The following PIP5K1B variants were observed in gnomAD, a reference collection of about 807,000 sequenced individuals.
PIP5K1B encodes the protein phosphatidylinositol 4-phosphate 5-kinase type-1 beta.
PIP5K1B carries 42 observed loss-of-function variants against 67.0 expected under a neutral mutation model. That is an observed-to-expected ratio of 0.63 (90% CI 0.49 to 0.81). The LOEUF (loss-of-function observed/expected upper bound fraction) is 0.81. Ranked by LOEUF, PIP5K1B falls within the 30% of genes least tolerant of loss-of-function variation. PIP5K1B has a pLI of 0.00. For synonymous variants in PIP5K1B, 214 were observed against 231.4 expected (o/e 0.92, Z 0.68); for missense variants, 459 against 646.3 (o/e 0.71, Z 3.14).
At chr9:68,708,940 G>T (rs1388455395) in intron 1 of PIP5K1B, among the ~76,000 whole-genome samples, 1 of 152,196 alleles carries the variant, frequency 6.6e-6, no homozygotes, top group Non-Finnish European at 1.5e-5. Flanking sequence ...TAGTTTAGAA[G>T]TACCGTTTAT....
rs1824342463 is a variant in PIP5K1B at position 68,884,260 on chromosome 9, T to C, written c.319-4721T>C. 1.3e-5 allele frequency among the ~76,000 whole-genome samples: 2 copies of C among 151,586 alleles called. 1 individual carries two copies. Among genetic ancestry groups the C allele is most frequent in the East Asian group, 3.9e-4 (2 of 5,186 alleles). On this transcript the variant is annotated intron_variant, in intron 6 of 15. Transcript: ENST00000265382. ...GCAAATAACGCATCAGGTAAAGGGTTGATATCCAAAATAAATAAGGAACTC... is the reference window on the plus strand; with the variant it reads ...GCAAATAACGCATCAGGTAAAGGGTCGATATCCAAAATAAATAAGGAACTC...
chr9:68,879,811 T>C (rs1293165820), intron 6 of PIP5K1B, among the ~76,000 whole-genome samples: 2 of 152,128 alleles, frequency 1.3e-5, no homozygotes, highest in Admixed American at 1.3e-4. Context: ...TGTATAACTA[T>C]TATATATCAT....
chr9:68,867,974 A>C (rs1316375282), intron 5 of PIP5K1B, among the ~76,000 whole-genome samples: 1 of 152,162 alleles, frequency 6.6e-6, no homozygotes, highest in Non-Finnish European at 1.5e-5. Context: ...ATATATTTTG[A>C]AGCTGCTCAA....
chr9:68,917,726 C>A lies in PIP5K1B; in HGVS notation c.950C>A (p.Ser317Tyr). The A allele has an allele frequency of 6.2e-7, 1 of 1,614,104 alleles. No homozygotes were observed. The change falls in exon 9 of 16, where the codon TCT becomes TAT. Residue 317 changes from serine to tyrosine, a missense_variant. Coordinates refer to ENST00000265382, the MANE Select transcript of PIP5K1B (RefSeq NM_003558.4). ...GAATCTATCCAGGGTCCAGGGAAAT[C>A]TGGAGATGGGATAATCACAGAGAAC... ...AMESIQGPGK[S>Y]GDGIITENPD...
chr9:68,934,961 G>T lies in PIP5K1B; in HGVS notation c.1273G>T (p.Val425Leu), dbSNP rs1827176827. The T allele has an allele frequency of 2.5e-6, 4 of 1,613,652 alleles. No individual in the cohort carries two copies. Among genetic ancestry groups the T allele is most frequent in the Non-Finnish European group, 3.4e-6 (4 of 1,179,760 alleles). The change falls in exon 13 of 16, where the codon GTG becomes TTG. Residue 425 changes from valine to leucine, a missense_variant. Physicochemically the swap from Val to Leu is conservative, Grantham distance 32 (BLOSUM62 1). Around this residue, in one of 2 missense-constraint regions of PIP5K1B, gnomAD observed 169 missense variants for 171.9 expected, o/e 0.98. Coordinates refer to ENST00000265382, the MANE Select transcript of PIP5K1B (RefSeq NM_003558.4). ...CCTAAAGGCCACTTCACAGGAGATT[G>T]TGTCCTCAATTAGCCAGGAATGGAA... ...AALKATSQEIVSSISQEWKDE... is the reference protein window; with the variant it reads ...AALKATSQEILSSISQEWKDE...
chr9:68,983,573 A>T (rs1173346600), intron 14 of PIP5K1B, among the ~76,000 whole-genome samples: 1 of 152,108 alleles, frequency 6.6e-6, no homozygotes, highest in South Asian at 2.1e-4. Context: ...GACTTTTAAA[A>T]TTTGATCTCT....
chr9:68,838,725 A>G (rs982261220), intron 4 of PIP5K1B, among the ~76,000 whole-genome samples: 1 of 152,170 alleles, frequency 6.6e-6, no homozygotes, highest in Non-Finnish European at 1.5e-5. Context: ...ACAAACCTGC[A>G]CTTGTACCCC....
chr9:68,909,117 G>A (rs1402251628), intron 8 of PIP5K1B, among the ~76,000 whole-genome samples: 3 of 152,140 alleles, frequency 2.0e-5, no homozygotes, highest in Admixed American at 1.3e-4. Flanking sequence ...GTAAGTTAAT[G>A]CTAAACAGGT....
chr9:68,713,486 A>G (rs1827493050), intron 1 of PIP5K1B, among the ~76,000 whole-genome samples: 1 of 152,178 alleles, frequency 6.6e-6, no homozygotes, highest in Non-Finnish European at 1.5e-5. Flanking sequence ...CATACCCAAT[A>G]TTGCCAGTAC....
chr9:68,835,453 A>G (rs1476729303), intron 4 of PIP5K1B, among the ~76,000 whole-genome samples: 1 of 152,254 alleles, frequency 6.6e-6, no homozygotes, highest in Non-Finnish European at 1.5e-5. Context: ...CTGTATGAGA[A>G]GGTACCAGGA....
intron 4 of PIP5K1B, among the ~76,000 whole-genome samples, chr9:68,833,247 G>A (rs1238667990): frequency 6.6e-6 from 1 of 152,228 alleles, no homozygotes; most frequent in Non-Finnish European, 1.5e-5. Context: ...GTATTCAGGG[G>A]ACCCTCCCTA....
intron 13 of PIP5K1B, among the ~76,000 whole-genome samples, chr9:68,936,534 A>C (rs1341893177): frequency 6.6e-6 from 1 of 152,150 alleles, no homozygotes; most frequent in Non-Finnish European, 1.5e-5. Context: ...TTTCCTGAAA[A>C]TGTCTTCTAC....
At chr9:68,862,231 G>A (rs1029257957) in intron 4 of PIP5K1B, among the ~76,000 whole-genome samples, 2 of 152,162 alleles carry the variant, frequency 1.3e-5, no homozygotes, top group Non-Finnish European at 2.9e-5. Flanking sequence ...GGGAAATGAA[G>A]CCAGTCTCAG....
chr9:68,736,458 T>G (rs1232527092), intron 1 of PIP5K1B, among the ~76,000 whole-genome samples: 1 of 152,156 alleles, frequency 6.6e-6, no homozygotes, highest in Non-Finnish European at 1.5e-5. Flanking sequence ...TGTGTATTAG[T>G]CTCCTACTGC....
chr9:68,926,452 A>T (rs2132561587), intron 12 of PIP5K1B, among the ~76,000 whole-genome samples: 1 of 152,294 alleles, frequency 6.6e-6, no homozygotes, highest in East Asian at 1.9e-4. Context: ...ATTTTTTAAT[A>T]ATAGCTTTAT....
chr9:68,847,151 A>G (rs1822231856), intron 4 of PIP5K1B, among the ~76,000 whole-genome samples: 1 of 152,150 alleles, frequency 6.6e-6, no homozygotes, highest in Non-Finnish European at 1.5e-5. Context: ...CCCAGTGAAC[A>G]CTATCAGAGC....
At chr9:68,770,114 G>C (rs1564120853) in intron 2 of PIP5K1B, among the ~76,000 whole-genome samples, 1 of 152,138 alleles carries the variant, frequency 6.6e-6, no homozygotes, top group Non-Finnish European at 1.5e-5. Context: ...TATGCAACAA[G>C]CAGCACTCAT....
intron 4 of PIP5K1B, among the ~76,000 whole-genome samples, chr9:68,833,568 C>T (rs1446846975): frequency 4.6e-5 from 7 of 151,988 alleles, no homozygotes; most frequent in Admixed American, 4.6e-4. Context: ...ACTGCCCCCC[C>T]ACCCCCCGAC....
At chr9:68,845,330 G>T (rs1013559674) in intron 4 of PIP5K1B, among the ~76,000 whole-genome samples, 2 of 152,102 alleles carry the variant, frequency 1.3e-5, no homozygotes, top group African/African-American at 4.8e-5. Flanking sequence ...TCTACCTTTG[G>T]TCAAAAAGTT....
Sources: gnomAD v4.1 joint callset for allele counts (sites outside exome capture counted in the v4.1 genomes callset) on GRCh38, gnomAD v4.1.1 for gene constraint, gnomAD v4.1.1 regional missense constraint, MANE v1.5 for transcripts, NCBI Gene and HGNC (gene_info 2026-07-23, HGNC 2026-07-21) for gene names.